The following PBX1 variants were observed in gnomAD, a reference collection of about 807,000 sequenced individuals.
PBX1 encodes the protein pre-B-cell leukemia transcription factor 1.
A neutral mutation model predicts 53.4 loss-of-function variants in PBX1; 6 were observed. The observed-to-expected ratio is 0.11, with a 90% CI of 0.06 to 0.22. The LOEUF (loss-of-function observed/expected upper bound fraction) is 0.22, where lower values mean the gene tolerates loss of function less well. Ranked by LOEUF, PBX1 falls within the 10% of genes least tolerant of loss-of-function variation. The pLI, the probability that PBX1 is intolerant of heterozygous loss-of-function variation, is 1.00. For missense variants in PBX1, 251 were observed against 551.4 expected (o/e 0.46, Z 5.46); for synonymous variants, 204 against 212.3 (o/e 0.96, Z 0.34).
chr1:164,773,428 G>A (rs556949439), intron 2 of PBX1, among the ~76,000 whole-genome samples: 52 of 152,270 alleles, frequency 3.4e-4, no homozygotes, highest in Non-Finnish European at 6.9e-4. Context: ...TCAGACTGTA[G>A]TCAATTAAAT....
intron 2 of PBX1, chr1:164,700,448 A>G: frequency 1.0e-6 from 1 of 985,136 alleles, no homozygotes; most frequent in East Asian, 1.1e-4. Context: ...TACGTAGGGG[A>G]GGAGATTCAT....
intron 6 of PBX1, chr1:164,817,505 A>G (rs895490625): frequency 2.0e-5 from 3 of 152,246 alleles, no homozygotes; most frequent in African/African-American, 7.2e-5. Flanking sequence ...AATATTGTAC[A>G]TGGGTGTACA....
At chr1:164,874,477 G>T (rs1672457805) in intron 2 of PBX1, among the ~76,000 whole-genome samples, 1 of 151,938 alleles carries the variant, frequency 6.6e-6, no homozygotes, top group Admixed American at 6.6e-5. Flanking sequence ...TATAATTTTT[G>T]TTCGTTTGTT....
chr1:164,622,934 C>A (rs1419873423), intron 2 of PBX1, among the ~76,000 whole-genome samples: 2 of 151,766 alleles, frequency 1.3e-5, no homozygotes, highest in Non-Finnish European at 2.9e-5. Flanking sequence ...CCTGCCTCAG[C>A]CTCCCAAGTA....
chr1:164,807,392 G>A, intron 4 of PBX1, 150 bp from the exon 5 acceptor site: 1 of 846,190 alleles, frequency 1.2e-6, no homozygotes, highest in Non-Finnish European at 1.8e-6. Context: ...TTTAGCGTTG[G>A]TTTTGGCATC....
chr1:164,565,196 T>C (rs1463683618), intron 2 of PBX1, among the ~76,000 whole-genome samples: 1 of 152,130 alleles, frequency 6.6e-6, no homozygotes, highest in Non-Finnish European at 1.5e-5. Flanking sequence ...CTTGTTCATG[T>C]TGGCTCAAGT....
intron 2 of PBX1, among the ~76,000 whole-genome samples, chr1:164,749,095 G>A (rs1447937988): frequency 6.6e-6 from 1 of 152,072 alleles, no homozygotes; most frequent in African/African-American, 2.4e-5. Context: ...TCATGAACAG[G>A]ACAATATTAA....
chr1:164,814,601 A>G (rs2200795), intron 6 of PBX1: 110,870 of 152,144 alleles, frequency 0.73, 41,675 homozygotes, highest in African/African-American at 0.92. Flanking sequence ...TTAGCTGGGC[A>G]TGGTGGCGTG....
rs908768879 is a variant in PBX1 at position 164,850,551 on chromosome 1, G to A, written c.*3875G>A. The A allele has an allele frequency of 5.2e-5, 10 of 192,654 alleles. No homozygotes were observed. Among genetic ancestry groups the A allele is most frequent in the Non-Finnish European group, 7.6e-5 (7 of 92,398 alleles). 11.9% of individuals were successfully genotyped at this position (192,654 alleles called of 1,614,324 possible). A position where few individuals can be genotyped will look rare whatever the true frequency, so the allele number is the denominator to read the frequency against. On this transcript the variant is annotated 3_prime_UTR_variant, in exon 9 of 9. Coordinates refer to ENST00000420696, the MANE Select transcript of PBX1 (RefSeq NM_002585.4). Reference sequence around the variant, plus strand: ...TAATTGTCAGGATTATGATCTTGCTGTTTTTCTTCAATATGTATACAAGGT... The same window carrying A: ...TAATTGTCAGGATTATGATCTTGCTATTTTTCTTCAATATGTATACAAGGT...
intron 1 of PBX1, chr1:164,563,013 T>C (rs1234078105): frequency 1.2e-5 from 4 of 333,974 alleles, no homozygotes; most frequent in Non-Finnish European, 2.2e-5. Context: ...TTTAGGTTAG[T>C]TCTGTTCTGT....
chr1:164,666,095 G>A (rs1660789820), intron 2 of PBX1, among the ~76,000 whole-genome samples: 1 of 152,196 alleles, frequency 6.6e-6, no homozygotes, highest in Admixed American at 6.5e-5. Context: ...GAGTTGAAGA[G>A]ATACGGGATG....
chr1:164,790,079 G>T (rs1668415723), intron 2 of PBX1, among the ~76,000 whole-genome samples: 1 of 152,016 alleles, frequency 6.6e-6, no homozygotes, highest in Non-Finnish European at 1.5e-5. Flanking sequence ...AGGCTGCTGG[G>T]CGCTGCTGCC....
At chr1:164,587,975 T>C (rs1655067905) in intron 2 of PBX1, among the ~76,000 whole-genome samples, 1 of 152,216 alleles carries the variant, frequency 6.6e-6, no homozygotes, top group Non-Finnish European at 1.5e-5. Context: ...CAAGGATGCC[T>C]TGTCACCTCT....
At chr1:164,744,278 T>C (rs1004779049) in intron 2 of PBX1, among the ~76,000 whole-genome samples, 3 of 152,240 alleles carry the variant, frequency 2.0e-5, no homozygotes, top group African/African-American at 7.2e-5. Context: ...CTTGTAACTT[T>C]GGAGGAATTT....
intron 2 of PBX1, 31 bp downstream of exon 2, chr1:164,563,342 T>C: frequency 6.9e-7 from 1 of 1,458,732 alleles, no homozygotes; most frequent in Non-Finnish European, 9.6e-7. Flanking sequence ...TTTTAGCATT[T>C]TCTTTGGCCA....
rs1473620966 is a variant in PBX1, at chr1:164,849,008, C to G, written c.*2332C>G. 1 of 1,168,512 alleles carries G rather than the reference C, an allele frequency of 8.6e-7. No homozygotes were observed. The highest frequency in any genetic ancestry group is 1.1e-6 in the Non-Finnish European group (1 of 943,382). 72.4% of individuals were successfully genotyped at this position (1,168,512 alleles called of 1,614,324 possible). The stretch of plus-strand genomic sequence containing the variant: ...AATCAGAACAGATGCCTAGAAGGAG[C>G]ATTTTTGTGACAACTTCATAGTGAT... On this transcript the variant is annotated 3_prime_UTR_variant, in exon 9 of 9. Coordinates refer to ENST00000420696, the MANE Select transcript of PBX1 (RefSeq NM_002585.4).
At chr1:164,607,134 T>G (rs1042129489) in intron 2 of PBX1, among the ~76,000 whole-genome samples, 5 of 152,132 alleles carry the variant, frequency 3.3e-5, no homozygotes, top group African/African-American at 1.2e-4. Context: ...GCGAGGAATT[T>G]TATCTTGAAG....
intron 2 of PBX1, among the ~76,000 whole-genome samples, chr1:164,870,353 C>CTTTCTTTCT (rs1672351221): frequency 1.1e-5 from 1 of 90,768 alleles, no homozygotes; most frequent in South Asian, 3.9e-4. Context: ...TTCTTTCTTT[C>CTTTCTTTCT]TTTCTTTCGA....
At chr1:164,685,760 T>G (rs1045792839) in intron 2 of PBX1, among the ~76,000 whole-genome samples, 1 of 152,174 alleles carries the variant, frequency 6.6e-6, no homozygotes, top group African/African-American at 2.4e-5. Context: ...AATTCCAAAG[T>G]CACACAGCTA....
Sources: gnomAD v4.1 joint callset for allele counts (sites outside exome capture counted in the v4.1 genomes callset) on GRCh38, gnomAD v4.1.1 for gene constraint, MANE v1.5 for transcripts, NCBI Gene and HGNC (gene_info 2026-07-23, HGNC 2026-07-21) for gene names.